The following RAB11FIP3 variants were observed in gnomAD, a reference collection of about 807,000 sequenced individuals.
The protein encoded by RAB11FIP3 is rab11 family-interacting protein 3.
In RAB11FIP3, 17 loss-of-function variants were observed where a neutral mutation model predicts 77.8. That is an observed-to-expected ratio of 0.22 (90% CI 0.15 to 0.33). RAB11FIP3 has a LOEUF of 0.33. Among genes scored for constraint, RAB11FIP3 ranks in the 10% least tolerant of loss-of-function variants. The pLI is 1.00. For synonymous variants in RAB11FIP3, 437 were observed against 448.2 expected (o/e 0.98, Z 0.31); for missense variants, 1,005 against 1,011.2 (o/e 0.99, Z 0.08).
chr16:516,772 G>A (rs904793135), intron 9 of RAB11FIP3, among the ~76,000 whole-genome samples: 1 of 152,356 alleles, frequency 6.6e-6, no homozygotes, highest in East Asian at 1.9e-4. Flanking sequence ...AGCTATTCGG[G>A]AGGCTGAGGC....
intron 2 of RAB11FIP3, among the ~76,000 whole-genome samples, chr16:462,185 T>C (rs2055618838): frequency 6.6e-6 from 1 of 152,224 alleles, no homozygotes; most frequent in Non-Finnish European, 1.5e-5. Flanking sequence ...GCTGGCACCA[T>C]TGCTGATTTC....
chr16:499,067 C>T (rs1052410876), intron 6 of RAB11FIP3, among the ~76,000 whole-genome samples: 1 of 152,032 alleles, frequency 6.6e-6, no homozygotes, highest in African/African-American at 2.4e-5. Context: ...ACAAGATTAG[C>T]CAGGTGTGTT....
rs764333249 is a variant in RAB11FIP3 at position 482,333 on chromosome 16, G to A, written c.904-192G>A. 1.6e-5 allele frequency: 11 copies of A among 708,554 alleles called. 1 individual carries two copies. In the South Asian group the frequency reaches 1.6e-4, roughly 11 times the overall value. The allele number at this position is 708,554 out of a possible 1,614,324, so 43.9% of individuals were successfully genotyped here. A position where few individuals can be genotyped will look rare whatever the true frequency, so the allele number is the denominator to read the frequency against. On this transcript the variant is annotated intron_variant, in intron 3 of 13. Coordinates refer to ENST00000262305, the MANE Select transcript of RAB11FIP3 (RefSeq NM_014700.4). ...GGCCTCCGAAAGTACTGGGATTACA[G>A]GCGTGAGTCACCGCGCCCAGCCTGA...
At chr16:496,423 A>G (rs771731917) in intron 5 of RAB11FIP3, among the ~76,000 whole-genome samples, 23 of 152,166 alleles carry the variant, frequency 1.5e-4, no homozygotes, top group Admixed American at 6.5e-4. Flanking sequence ...CCAGCGGCAA[A>G]CTCTCCTGTC....
At chr16:488,213 T>C (rs933077257) in intron 4 of RAB11FIP3, among the ~76,000 whole-genome samples, 13 of 152,112 alleles carry the variant, frequency 8.5e-5, no homozygotes, top group African/African-American at 2.9e-4. Flanking sequence ...ACCCCGTCTC[T>C]ACTAAAAATA....
chr16:442,933 GTTTAC>G (rs1272457168), intron 1 of RAB11FIP3, among the ~76,000 whole-genome samples: 1 of 152,030 alleles, frequency 6.6e-6, no homozygotes, highest in African/African-American at 2.4e-5. Flanking sequence ...GGGTGGGTTG[GTTTAC>G]TTTACTAAAA....
At chr16:448,619 C>A (rs1443253857) in intron 1 of RAB11FIP3, among the ~76,000 whole-genome samples, 1 of 151,882 alleles carries the variant, frequency 6.6e-6, no homozygotes, top group African/African-American at 2.4e-5. Context: ...GCCTGTAGTC[C>A]CAGCTACTCG....
intron 1 of RAB11FIP3, among the ~76,000 whole-genome samples, chr16:455,196 G>A (rs939443736): frequency 4.6e-5 from 7 of 151,140 alleles, no homozygotes; most frequent in South Asian, 2.1e-4. Context: ...TGAGAACTGC[G>A]CAGCCAGGCG....
intron 1 of RAB11FIP3, among the ~76,000 whole-genome samples, chr16:454,389 C>G (rs1050662123): frequency 1.3e-5 from 2 of 152,066 alleles, no homozygotes; most frequent in African/African-American, 4.8e-5. Flanking sequence ...CCAGCCTGAG[C>G]AACATAGCGA....
intron 1 of RAB11FIP3, among the ~76,000 whole-genome samples, chr16:460,923 C>T (rs1250815310): frequency 1.3e-5 from 2 of 152,202 alleles, no homozygotes; most frequent in Non-Finnish European, 2.9e-5. Flanking sequence ...GTGCTGCCTC[C>T]TGCACGTGAG....
chr16:482,637 A>C lies in RAB11FIP3; in HGVS notation c.1016A>C (p.Glu339Ala), dbSNP rs1466818772. The C allele has an allele frequency of 6.2e-7, 1 of 1,613,430 alleles. No homozygotes were observed. The highest frequency in any genetic ancestry group is 1.7e-5 in the Admixed American group (1 of 60,026). ...CTGGTGCACCCTGAGCTGCAACCTGAAGGGGACGCAGACAGTGCCGGCGGC... is the reference window on the plus strand; with the variant it reads ...CTGGTGCACCCTGAGCTGCAACCTGCAGGGGACGCAGACAGTGCCGGCGGC... ...STLVHPELQP[E>A]GDADSAGGSA... Residue 339 changes from glutamate (E) to alanine (A), a missense_variant, in exon 4 of 14, where the codon GAA (glutamate) becomes GCA (alanine). Coordinates refer to ENST00000262305, the MANE Select transcript of RAB11FIP3 (RefSeq NM_014700.4).
chr16:429,128 A>G (rs929027452), intron 1 of RAB11FIP3, among the ~76,000 whole-genome samples: 1 of 152,222 alleles, frequency 6.6e-6, no homozygotes, highest in Non-Finnish European at 1.5e-5. Flanking sequence ...GGCAACAGAT[A>G]ATTTACAGGG....
rs368855763 is a variant in RAB11FIP3, at chr16:500,778, G to A, written c.1302-2226G>A. 3.2e-4 allele frequency among the ~76,000 whole-genome samples: 49 copies of A among 151,204 alleles called. 2 individuals carry two copies. Among genetic ancestry groups the A allele is most frequent in the African/African-American group, 9.7e-4 (40 of 41,060 alleles). ...TGCTGAGGACCCTCTGCCTCACGTT[G>A]GTGGCCACGTGTGGTGGCTGCACGC... On this transcript the variant is annotated intron_variant, in intron 6 of 13. Coordinates refer to ENST00000262305, the MANE Select transcript of RAB11FIP3 (RefSeq NM_014700.4).
chr16:426,539 C>G lies in RAB11FIP3; in HGVS notation c.533C>G (p.Pro178Arg), dbSNP rs2054946961. The G allele has an allele frequency of 6.4e-7, 1 of 1,567,430 alleles. No individual in the cohort carries two copies. The highest frequency in any genetic ancestry group is 1.9e-5 in the Admixed American group (1 of 52,348). The change falls in exon 1 of 14, where the codon CCC becomes CGC. Residue 178 changes from proline (P) to arginine (R), a missense_variant. Coordinates refer to ENST00000262305, the MANE Select transcript of RAB11FIP3 (RefSeq NM_014700.4). The surrounding 1 kb of genome is among the most constrained non-coding windows in gnomAD (Gnocchi z 5.0). ...TAGELALEQG[P>R]GSPPQPSDLS... is the part of the protein sequence containing the mutation. ...GGCGAGCTGGCGCTGGAGCAAGGTC[C>G]CGGGTCCCCGCCGCAGCCCTCGGAC...
At position 507,197 on chromosome 16, in the gene RAB11FIP3, C is replaced by T. The variant is rs952596858; in HGVS notation, c.1499+1570C>T. Among the ~76,000 whole-genome samples, 3 of 151,826 alleles carry T rather than the reference C, an allele frequency of 2.0e-5. No individual in the cohort carries two copies. The highest frequency in any genetic ancestry group is 4.8e-5 in the African/African-American group (2 of 41,310). The stretch of plus-strand genomic sequence containing the variant: ...CGCAATCTTGGCTCACCGCAACCTC[C>T]GCATCCCAGGTTCAAGCGATTCTTC... On this transcript the variant is annotated intron_variant, in intron 8 of 13. Coordinates refer to ENST00000262305, the MANE Select transcript of RAB11FIP3 (RefSeq NM_014700.4). The surrounding 1 kb of genome is among the most constrained non-coding windows in gnomAD (Gnocchi z 4.6).
chr16:506,360 T>C lies in RAB11FIP3; in HGVS notation c.1499+733T>C, dbSNP rs534167562. 2.0e-5 allele frequency among the ~76,000 whole-genome samples: 3 copies of C among 152,242 alleles called. No individual in the cohort carries two copies. In the South Asian group the frequency reaches 6.2e-4, roughly 32 times the overall value. On this transcript the variant is annotated intron_variant, in intron 8 of 13. Transcript: ENST00000262305. The surrounding 1 kb of genome is among the most constrained non-coding windows in gnomAD (Gnocchi z 4.5). ...CCTGTAGCTGGGCACCGGCAGCCTC[T>C]TGTGGGCAGAGGAGGCAGCCAGGAG...
chr16:451,671 T>C (rs1334058432), intron 1 of RAB11FIP3: 1 of 151,618 alleles, frequency 6.6e-6, no homozygotes, highest in Non-Finnish European at 1.5e-5. Flanking sequence ...CCGTCTCTAC[T>C]AAAAATACAA....
intron 1 of RAB11FIP3, among the ~76,000 whole-genome samples, chr16:438,846 C>A (rs935835689): frequency 6.6e-6 from 1 of 152,154 alleles, no homozygotes; most frequent in African/African-American, 2.4e-5. Context: ...CGCGCCACCA[C>A]GCCCAGCTAA....
At chr16:437,647 G>A (rs2055153002) in intron 1 of RAB11FIP3, among the ~76,000 whole-genome samples, 1 of 150,848 alleles carries the variant, frequency 6.6e-6, no homozygotes, top group African/African-American at 2.4e-5. Context: ...TTGAAGATGA[G>A]AGACGTGCCA....
Sources: gnomAD v4.1 joint callset for allele counts (sites outside exome capture counted in the v4.1 genomes callset) on GRCh38, gnomAD v4.1.1 for gene constraint, Gnocchi (gnomAD v3.1) non-coding constraint, MANE v1.5 for transcripts, NCBI Gene and HGNC (gene_info 2026-07-23, HGNC 2026-07-21) for gene names.